Variants in TMEM244 observed in about 807,000 individuals in gnomAD.
The protein encoded by TMEM244 is transmembrane protein 244.
Under a neutral mutation model 15.8 loss-of-function variants are expected in TMEM244, and 13 were observed. The ratio of observed to expected loss-of-function variants is 0.82; its 90% CI spans 0.53 to 1.30. The LOEUF is 1.30. TMEM244 is among the 50% of genes most tolerant of loss of function. TMEM244 has a pLI of 0.00. For synonymous variants in TMEM244, 45 were observed against 48.7 expected, an observed-to-expected ratio of 0.92 and a Z score of 0.32; for missense variants, 161 against 144.9, an observed-to-expected ratio of 1.11 and a Z score of -0.57.
At chr6:129,853,955 C>G (rs1776670195) in intron 1 of TMEM244, among the ~76,000 whole-genome samples, 1 of 152,180 alleles carries the variant, frequency 6.6e-6, no homozygotes, top group South Asian at 2.1e-4. Context: ...TCATTCCACT[C>G]TCCTGGAGTT....
chr6:129,850,266 G>C (rs753214725), intron 1 of TMEM244, among the ~76,000 whole-genome samples: 1 of 152,136 alleles, frequency 6.6e-6, no homozygotes, highest in Admixed American at 6.6e-5. Context: ...GCTGAAGTCA[G>C]ACGTGAAGGG....
intron 2 of TMEM244, among the ~76,000 whole-genome samples, chr6:129,844,967 G>A (rs1584186925): frequency 6.6e-6 from 1 of 152,242 alleles, no homozygotes; most frequent in East Asian, 1.9e-4. Flanking sequence ...TATACATAAT[G>A]TATCTCAAGG....
intron 2 of TMEM244, among the ~76,000 whole-genome samples, chr6:129,843,855 A>G (rs1330069091): frequency 6.6e-6 from 1 of 152,140 alleles, no homozygotes; most frequent in African/African-American, 2.4e-5. Context: ...TTACAGCAAA[A>G]TTTCAGATCA....
rs1185481221 is a variant in TMEM244 at position 129,852,233 on chromosome 6, T to TA, written c.34-6382dup. On this transcript the variant is annotated intron_variant, in intron 1 of 4. Coordinates refer to ENST00000368143, the MANE Select transcript of TMEM244 (RefSeq NM_001010876.2). ...TTACTTTTTTGGTAATAATTTTTTT[T>TA]AAAAAATAAATTTATTCAACCGGTG... 6.6e-5 allele frequency among the ~76,000 whole-genome samples: 10 copies of TA among 152,180 alleles called. No individual in the cohort carries two copies. In the South Asian group the frequency reaches 1.4e-3, roughly 22 times the overall value.
chr6:129,831,312 A>T lies in TMEM244; in HGVS notation c.*7T>A. ...CTATTTAACATTATTTCTGTGCATT[A>T]GAGAATCTAAACAAGCAATTTTGAT... On this transcript the variant is annotated 3_prime_UTR_variant, in exon 5 of 5. Transcript: ENST00000368143. 1 of 1,490,810 alleles carries T rather than the reference A, an allele frequency of 6.7e-7. No individual in the cohort carries two copies. The highest frequency in any genetic ancestry group is 9.4e-7 in the Non-Finnish European group (1 of 1,068,888). 92.3% of individuals were successfully genotyped at this position (1,490,810 alleles called of 1,614,324 possible). A position where few individuals can be genotyped will look rare whatever the true frequency, so the allele number is the denominator to read the frequency against.
intron 2 of TMEM244, among the ~76,000 whole-genome samples, chr6:129,845,463 A>G (rs1776547798): frequency 6.6e-6 from 1 of 152,182 alleles, no homozygotes; most frequent in Admixed American, 6.5e-5. Flanking sequence ...TTCAGATAGA[A>G]CATTTGCCTA....
chr6:129,840,768 T>C (rs1776478664), intron 3 of TMEM244, among the ~76,000 whole-genome samples: 1 of 152,186 alleles, frequency 6.6e-6, no homozygotes, highest in Admixed American at 6.5e-5. Context: ...GCAAAGTATA[T>C]GAAGAGACAC....
At chr6:129,859,396 T>C (rs959211093) in intron 1 of TMEM244, among the ~76,000 whole-genome samples, 3 of 152,248 alleles carry the variant, frequency 2.0e-5, no homozygotes, top group Non-Finnish European at 4.4e-5. Context: ...CTCTCACTTG[T>C]AGAATCACAG....
intron 1 of TMEM244, among the ~76,000 whole-genome samples, chr6:129,850,658 T>C (rs1001841514): frequency 2.0e-5 from 3 of 152,216 alleles, no homozygotes; most frequent in African/African-American, 7.2e-5. Context: ...TAGCCACATT[T>C]ATAAAAATTT....
intron 3 of TMEM244, among the ~76,000 whole-genome samples, chr6:129,834,034 C>G (rs1486346405): frequency 6.6e-6 from 1 of 152,214 alleles, no homozygotes; most frequent in Non-Finnish European, 1.5e-5. Context: ...CACTGCCTAA[C>G]TTGGAAATGA....
At chr6:129,845,975 G>A in intron 1 of TMEM244, 123 bp from the exon 2 acceptor site, 1 of 639,948 alleles carries the variant, frequency 1.6e-6, no homozygotes, top group Non-Finnish European at 2.7e-6. Context: ...TATTGCTTAA[G>A]GACCCATGGA....
chr6:129,841,998 G>A (rs1025744932), intron 3 of TMEM244, among the ~76,000 whole-genome samples: 1 of 152,106 alleles, frequency 6.6e-6, no homozygotes, highest in Non-Finnish European at 1.5e-5. Flanking sequence ...ATACGCTAAG[G>A]TTTTATTGAT....
At chr6:129,854,058 G>A (rs758730900) in intron 1 of TMEM244, among the ~76,000 whole-genome samples, 2 of 152,092 alleles carry the variant, frequency 1.3e-5, no homozygotes, top group Non-Finnish European at 2.9e-5. Context: ...TCGTTTTATG[G>A]TTCTGCAAGT....
Position 129,843,600 on chromosome 6 carries a change from C to A in TMEM244, c.123G>T (p.Val41=). 1 of 1,610,136 alleles carries A rather than the reference C, an allele frequency of 6.2e-7. No homozygotes were observed. Among genetic ancestry groups the A allele is most frequent in the Non-Finnish European group, 8.5e-7 (1 of 1,177,010 alleles). The change falls in exon 3 of 5, where the codon GTG becomes GTT. Residue 41 remains valine (V), a synonymous_variant. Coordinates refer to ENST00000368143, the MANE Select transcript of TMEM244 (RefSeq NM_001010876.2). ...ATGGAGCCAGGACATTCAACTCATG[C>A]ACCCTAAAGATGTTATAAGTGAAAA... ...SLSMGCVMFE[V]HELNVLAPFD...
chr6:129,831,471 T>C (rs1416370964), intron 4 of TMEM244, 85 bp from the exon 5 acceptor site: 3 of 921,604 alleles, frequency 3.3e-6, no homozygotes, highest in East Asian at 5.0e-5. Context: ...GGTCAAATTA[T>C]ATCCACTCAA....
intron 3 of TMEM244, among the ~76,000 whole-genome samples, chr6:129,841,419 C>A (rs545254349): frequency 1.1e-4 from 2 of 18,294 alleles, no homozygotes; most frequent in Non-Finnish European, 2.3e-4. Context: ...TGGGTCCGGT[C>A]GGGGGGTGGG....
At chr6:129,847,160 C>T (rs1172289843) in intron 1 of TMEM244, among the ~76,000 whole-genome samples, 2 of 152,080 alleles carry the variant, frequency 1.3e-5, no homozygotes, top group Non-Finnish European at 2.9e-5. Context: ...AGGCAATTCA[C>T]ATGAAGAAAC....
chr6:129,860,663 G>A (rs926403911), intron 1 of TMEM244, among the ~76,000 whole-genome samples: 1 of 151,280 alleles, frequency 6.6e-6, no homozygotes, highest in African/African-American at 2.4e-5. Flanking sequence ...TTTTTAAAGG[G>A]GTATTTTTGC....
At chr6:129,849,630 C>A (rs1358325654) in intron 1 of TMEM244, among the ~76,000 whole-genome samples, 1 of 152,086 alleles carries the variant, frequency 6.6e-6, no homozygotes. Flanking sequence ...GATTGCAGGG[C>A]CCCAGTCCCA....
Sources: gnomAD v4.1 joint callset for allele counts (sites outside exome capture counted in the v4.1 genomes callset) on GRCh38, gnomAD v4.1.1 for gene constraint, MANE v1.5 for transcripts, NCBI Gene and HGNC (gene_info 2026-07-23, HGNC 2026-07-21) for gene names.